Variants in SEM1 observed in about 807,000 individuals in gnomAD.
The protein encoded by SEM1 is SEM1 26S proteasome subunit, also known as 26S proteasome complex subunit SEM1.
SEM1 carries 3 observed loss-of-function variants against 12.7 expected under a neutral mutation model. The ratio of observed to expected loss-of-function variants is 0.24; its 90% CI spans 0.11 to 0.61. SEM1 has a LOEUF of 0.61. SEM1 is among the 20% of genes least tolerant of loss of function. The pLI, the probability that SEM1 is intolerant of heterozygous loss-of-function variation, is 0.88. For synonymous variants in SEM1, 30 were observed against 27.8 expected (o/e 1.08, Z -0.25); for missense variants, 59 against 81.3 (o/e 0.73, Z 1.06).
upstream of SEM1, among the ~76,000 whole-genome samples, chr7:96,497,008 T>TAC (rs933659887): frequency 3.3e-3 from 392 of 119,582 alleles, no homozygotes; most frequent in Middle Eastern, 0.022. Flanking sequence ...CGAGCACGTA[T>TAC]ACACACACAC....
At chr7:96,659,913 C>CAAAAAAAAAAAAAAAAAAAAAAA (rs71529826) in intron 2 of SEM1, among the ~76,000 whole-genome samples, 1 of 66,724 alleles carries the variant, frequency 1.5e-5, no homozygotes, top group Non-Finnish European at 3.0e-5. Flanking sequence ...AGTAAGATGG[C>CAAAAAAAAAAAAAAAAAAAAAAA]AAAAAAAAAA....
Position 96,623,000 on chromosome 7 carries a change from T to A in SEM1, c.171-357A>T, listed in dbSNP as rs749292400. 2.1e-4 allele frequency: 45 copies of A among 219,116 alleles called. 1 individual carries two copies. Among genetic ancestry groups the A allele is most frequent in the Non-Finnish European group, 1.8e-5 (2 of 110,118 alleles). The allele number at this position is 219,116 out of a possible 1,614,324, so 13.6% of individuals were successfully genotyped here. ...TTTGGCTAAACATCATTTCCAGGTATGTCTATGAGGGTGTTTCTGGATAGA... is the reference window on the plus strand; with the variant it reads ...TTTGGCTAAACATCATTTCCAGGTAAGTCTATGAGGGTGTTTCTGGATAGA... On this transcript the variant is annotated intron_variant, in intron 2 of 2. Transcript: ENST00000417009.
chr7:96,620,055 A>G (rs1172956362), downstream of SEM1, among the ~76,000 whole-genome samples: 14 of 151,988 alleles, frequency 9.2e-5, no homozygotes, highest in Admixed American at 9.2e-4. Context: ...ATTATTCTAG[A>G]TATATGTAGG....
At chr7:96,689,109 GA>G (rs199572054) in intron 2 of SEM1, 143 bp from the exon 3 acceptor site, 35 of 471,858 alleles carry the variant, frequency 7.4e-5, no homozygotes, top group South Asian at 2.9e-4. Flanking sequence ...TTTTGTCTCT[GA>G]AAAAAAAACA....
chr7:96,636,983 G>A (rs1436297834), intron 2 of SEM1, among the ~76,000 whole-genome samples: 3 of 152,052 alleles, frequency 2.0e-5, no homozygotes, highest in Non-Finnish European at 4.4e-5. Context: ...TATTCTCTGA[G>A]TGGAAGGAGG....
chr7:96,549,642 G>A (rs951626772), intron 2 of SEM1, among the ~76,000 whole-genome samples: 1 of 152,174 alleles, frequency 6.6e-6, no homozygotes, highest in Non-Finnish European at 1.5e-5. Context: ...GAGGTACACT[G>A]CTCTAGGACC....
intron 2 of SEM1, among the ~76,000 whole-genome samples, chr7:96,611,298 C>A (rs1417550903): frequency 6.6e-6 from 1 of 152,238 alleles, no homozygotes. Flanking sequence ...ATTTATGTAC[C>A]TTTTCTCCTA....
intron 3 of SEM1, among the ~76,000 whole-genome samples, chr7:96,504,585 C>T (rs1177527563): frequency 6.6e-6 from 1 of 151,956 alleles, no homozygotes; most frequent in African/African-American, 2.4e-5. Flanking sequence ...GAATCAAAAC[C>T]TATATACTAA....
At position 96,540,483 on chromosome 7, in the gene SEM1, C is replaced by A. The variant is rs535947828; in HGVS notation, c.171-33785G>T. Among the ~76,000 whole-genome samples the A allele has an allele frequency of 1.1e-4, 16 of 151,566 alleles. No homozygotes were observed. In the East Asian group the frequency reaches 3.1e-3, roughly 29 times the overall value. On this transcript the variant is annotated intron_variant and NMD_transcript_variant, in intron 2 of 3. Transcript: ENST00000466986. ...CTATAAAAATGAAACATTCTTGAAC[C>A]TCAAATATGATCAAAAAGCAAACTT...
intron 2 of SEM1, among the ~76,000 whole-genome samples, chr7:96,586,730 GT>G (rs1018731604): frequency 6.6e-6 from 1 of 152,134 alleles, no homozygotes; most frequent in African/African-American, 2.4e-5. Flanking sequence ...AATGTTATGT[GT>G]TTTACAGGAA....
chr7:96,574,420 G>A (rs1262168370), intron 2 of SEM1, among the ~76,000 whole-genome samples: 1 of 152,180 alleles, frequency 6.6e-6, no homozygotes, highest in East Asian at 1.9e-4. Flanking sequence ...CTTTATAGCA[G>A]CATGATTTAT....
chr7:96,681,701 G>A (rs933870445), intron 2 of SEM1, among the ~76,000 whole-genome samples: 2 of 152,070 alleles, frequency 1.3e-5, no homozygotes, highest in Non-Finnish European at 2.9e-5. Flanking sequence ...TTGTAGATGT[G>A]TGGTGTTATT....
At chr7:96,613,421 TTCTC>T (rs1184057275) in intron 2 of SEM1, among the ~76,000 whole-genome samples, 1 of 152,220 alleles carries the variant, frequency 6.6e-6, no homozygotes, top group African/African-American at 2.4e-5. Flanking sequence ...TTTTTGAAAA[TTCTC>T]TTAGGTTTTT....
At chr7:96,543,468 A>T (rs1399192962) in intron 2 of SEM1, among the ~76,000 whole-genome samples, 3 of 151,922 alleles carry the variant, frequency 2.0e-5, no homozygotes, top group African/African-American at 7.2e-5. Flanking sequence ...TATATATGAA[A>T]CTGTTTACTG....
At chr7:96,506,275 A>T (rs542618259) in intron 3 of SEM1, among the ~76,000 whole-genome samples, 1 of 152,168 alleles carries the variant, frequency 6.6e-6, no homozygotes, top group Non-Finnish European at 1.5e-5. Context: ...ATATGGACAC[A>T]TTAATCTTAC....
chr7:96,608,564 A>T (rs928024326), intron 2 of SEM1, among the ~76,000 whole-genome samples: 2 of 152,190 alleles, frequency 1.3e-5, no homozygotes, highest in African/African-American at 4.8e-5. Flanking sequence ...CCTTGTACCC[A>T]CTTGGAGTCC....
intron 2 of SEM1, among the ~76,000 whole-genome samples, chr7:96,547,346 A>T (rs766726850): frequency 1.3e-5 from 2 of 152,178 alleles, no homozygotes; most frequent in Admixed American, 6.5e-5. Flanking sequence ...AGCTTTGATT[A>T]TGCTTTGCTT....
chr7:96,611,375 T>C (rs28417823), intron 2 of SEM1, among the ~76,000 whole-genome samples: 3,812 of 152,196 alleles, frequency 0.025, 137 homozygotes, highest in African/African-American at 0.088. Flanking sequence ...AGAGGGAAAG[T>C]CTCTCCTCTC....
intron 2 of SEM1, among the ~76,000 whole-genome samples, chr7:96,536,161 C>T (rs1392627304): frequency 6.6e-6 from 1 of 151,744 alleles, no homozygotes; most frequent in Non-Finnish European, 1.5e-5. Context: ...TTTTAAAATT[C>T]CTCTTGAGAC....
Sources: allele counts gnomAD v4.1 joint callset (sites outside exome capture counted in the v4.1 genomes callset), GRCh38; gene constraint gnomAD v4.1.1; transcripts MANE v1.5; gene names NCBI Gene and HGNC (gene_info 2026-07-23, HGNC 2026-07-21).